The following STXBP5L variants were observed in gnomAD, a reference collection of about 807,000 sequenced individuals.
STXBP5L encodes syntaxin-binding protein 5-like.
In STXBP5L, 65 loss-of-function variants were observed where a neutral mutation model predicts 144.5. The ratio of observed to expected loss-of-function variants is 0.45; its 90% CI spans 0.37 to 0.55. The LOEUF is 0.55. Ranked by LOEUF, STXBP5L falls within the 20% of genes least tolerant of loss-of-function variation. STXBP5L has a pLI of 0.00. For missense variants in STXBP5L, 1,298 were observed against 1,405.5 expected, an observed-to-expected ratio of 0.92 and a Z score of 1.22; for synonymous variants, 505 against 469.6, an observed-to-expected ratio of 1.08 and a Z score of -0.97.
chr3:121,264,361 T>C (rs919673009), intron 18 of STXBP5L, among the ~76,000 whole-genome samples: 1 of 152,118 alleles, frequency 6.6e-6, no homozygotes, highest in Non-Finnish European at 1.5e-5. Context: ...AAACAAGTTA[T>C]ATGTTTCCAA....
At chr3:120,963,738 ATTG>A (rs1259589377) in intron 3 of STXBP5L, among the ~76,000 whole-genome samples, 1 of 151,828 alleles carries the variant, frequency 6.6e-6, no homozygotes, top group Non-Finnish European at 1.5e-5. Flanking sequence ...ATTCTCTTTT[ATTG>A]TTGTGTCCCT....
At chr3:121,415,460 G>C (rs1468063466) in intron 24 of STXBP5L, among the ~76,000 whole-genome samples, 1 of 152,096 alleles carries the variant, frequency 6.6e-6, no homozygotes, top group Non-Finnish European at 1.5e-5. Flanking sequence ...TACCACCAAA[G>C]CTGTCCTATT....
intron 22 of STXBP5L, among the ~76,000 whole-genome samples, chr3:121,405,130 T>A (rs1044137131): frequency 2.6e-5 from 4 of 152,098 alleles, no homozygotes; most frequent in Non-Finnish European, 5.9e-5. Flanking sequence ...ACCCTTATGA[T>A]CTCATTTAAT....
intron 20 of STXBP5L, among the ~76,000 whole-genome samples, chr3:121,351,456 T>A (rs2045279328): frequency 6.6e-6 from 1 of 152,138 alleles, no homozygotes. Flanking sequence ...TCAAGCTGCG[T>A]GCTGGGAGAA....
intron 22 of STXBP5L, among the ~76,000 whole-genome samples, chr3:121,399,280 CG>C (rs2046812188): frequency 6.6e-6 from 1 of 152,160 alleles, no homozygotes; most frequent in Non-Finnish European, 1.5e-5. Context: ...TAAGAGTACT[CG>C]GGTGTCCTCC....
intron 6 of STXBP5L, among the ~76,000 whole-genome samples, chr3:121,118,125 A>G (rs1002612776): frequency 1.3e-5 from 2 of 151,766 alleles, no homozygotes; most frequent in African/African-American, 4.8e-5. Flanking sequence ...GATAGATACT[A>G]GAAACAACTA....
intron 6 of STXBP5L, among the ~76,000 whole-genome samples, chr3:121,116,464 G>A (rs1576999097): frequency 6.6e-6 from 1 of 152,024 alleles, no homozygotes; most frequent in African/African-American, 2.4e-5. Context: ...ATTAGATTAG[G>A]AACTGCTCCA....
intron 5 of STXBP5L, among the ~76,000 whole-genome samples, chr3:121,048,554 C>T (rs2107577703): frequency 6.6e-6 from 1 of 152,166 alleles, no homozygotes; most frequent in East Asian, 1.9e-4. Context: ...CTTTCTCTGA[C>T]TGAGTTAGTT....
intron 2 of STXBP5L, among the ~76,000 whole-genome samples, chr3:120,941,311 A>G (rs1420226835): frequency 6.6e-6 from 1 of 151,830 alleles, no homozygotes; most frequent in Non-Finnish European, 1.5e-5. Flanking sequence ...AATAATCACT[A>G]GATTTAATAA....
chr3:121,214,181 G>T (rs1044081010), intron 10 of STXBP5L, among the ~76,000 whole-genome samples: 1 of 151,914 alleles, frequency 6.6e-6, no homozygotes, highest in Non-Finnish European at 1.5e-5. Context: ...GATTTTTTTT[G>T]AAGGGTTTTT....
intron 9 of STXBP5L, among the ~76,000 whole-genome samples, chr3:121,189,530 G>A (rs1462396845): frequency 6.6e-6 from 1 of 152,186 alleles, no homozygotes; most frequent in Admixed American, 6.5e-5. Flanking sequence ...TCAGATGGTT[G>A]TAGATGTGTG....
chr3:121,377,565 T>C (rs553295732), intron 20 of STXBP5L, among the ~76,000 whole-genome samples: 2 of 152,050 alleles, frequency 1.3e-5, no homozygotes, highest in African/African-American at 2.4e-5. Flanking sequence ...AAAAAACATA[T>C]GAAAAAAGCT....
intron 3 of STXBP5L, among the ~76,000 whole-genome samples, chr3:121,024,779 G>C (rs1309694885): frequency 1.3e-5 from 2 of 151,974 alleles, no homozygotes; most frequent in Admixed American, 6.6e-5. Context: ...ATAAACACAA[G>C]TATATAGATT....
chr3:120,968,702 T>C (rs958068843), intron 3 of STXBP5L, among the ~76,000 whole-genome samples: 1 of 152,158 alleles, frequency 6.6e-6, no homozygotes, highest in Admixed American at 6.5e-5. Flanking sequence ...CAATATATAG[T>C]CTTTTATCCC....
chr3:121,369,155 A>G (rs1441984590), intron 20 of STXBP5L, among the ~76,000 whole-genome samples: 1 of 152,118 alleles, frequency 6.6e-6, no homozygotes, highest in African/African-American at 2.4e-5. Context: ...ATAGGTAGCT[A>G]CTACTGAGCT....
intron 2 of STXBP5L, among the ~76,000 whole-genome samples, chr3:120,919,607 G>C (rs1709266476): frequency 6.6e-6 from 1 of 151,864 alleles, no homozygotes; most frequent in Admixed American, 6.6e-5. Context: ...CTCCTTTGCT[G>C]TTTGAGGTAA....
intron 3 of STXBP5L, among the ~76,000 whole-genome samples, chr3:120,988,065 T>C (rs1942475045): frequency 6.6e-6 from 1 of 151,786 alleles, no homozygotes; most frequent in Non-Finnish European, 1.5e-5. Flanking sequence ...TTTTCAGGTA[T>C]ATTTATTTTT....
chr3:121,179,011 G>A (rs752233601), intron 9 of STXBP5L, among the ~76,000 whole-genome samples: 1 of 152,000 alleles, frequency 6.6e-6, no homozygotes, highest in African/African-American at 2.4e-5. Flanking sequence ...TGGGCACTTG[G>A]CATTACAGGA....
At position 121,130,588 on chromosome 3, in the gene STXBP5L, G is replaced by T. The variant is rs1302504039; in HGVS notation, c.669+8884G>T. ...ATGCCTGCTTCATAGACAAGTCAGA[G>T]GATTGGTTGCCATTAGCTGGTTACA... On this transcript the variant is annotated intron_variant, in intron 7 of 26. Coordinates refer to ENST00000471454, the MANE Select transcript of STXBP5L (RefSeq NM_001308330.2). Among the ~76,000 whole-genome samples the T allele has an allele frequency of 2.0e-5, 3 of 152,054 alleles. No homozygotes were observed. In the South Asian group the frequency reaches 6.2e-4, roughly 31 times the overall value.
Sources: gnomAD v4.1 joint callset for allele counts (sites outside exome capture counted in the v4.1 genomes callset) on GRCh38, gnomAD v4.1.1 for gene constraint, MANE v1.5 for transcripts, NCBI Gene and HGNC (gene_info 2026-07-23, HGNC 2026-07-21) for gene names.